Variants in HPSE2 observed in about 807,000 individuals in gnomAD.
HPSE2 encodes heparanase 2 (inactive).
In HPSE2, 38 loss-of-function variants were observed where a neutral mutation model predicts 60.5. The ratio of observed to expected loss-of-function variants is 0.63; its 90% CI spans 0.48 to 0.82. The LOEUF is 0.82. Ranked by LOEUF, HPSE2 falls within the 40% of genes least tolerant of loss-of-function variation. HPSE2 has a pLI of 0.00. For missense variants in HPSE2, 713 were observed against 740.4 expected, an observed-to-expected ratio of 0.96 and a Z score of 0.43; for synonymous variants, 295 against 293.2, an observed-to-expected ratio of 1.01 and a Z score of -0.06.
At chr10:98,819,173 A>C (rs1951360591) in intron 3 of HPSE2, among the ~76,000 whole-genome samples, 1 of 151,982 alleles carries the variant, frequency 6.6e-6, no homozygotes. Flanking sequence ...GGTGCTCCAA[A>C]AAACCTACAG....
chr10:99,279,969 C>A, the HPSE2 span, among the ~76,000 whole-genome samples: 40 of 152,274 alleles, frequency 2.6e-4, no homozygotes, highest in Middle Eastern at 3.4e-3. Flanking sequence ...TCAGCAAATC[C>A]TTTGGAGACT....
At chr10:99,200,483 G>C (rs1204119326) in intron 2 of HPSE2, among the ~76,000 whole-genome samples, 1 of 152,044 alleles carries the variant, frequency 6.6e-6, no homozygotes, top group Non-Finnish European at 1.5e-5. Context: ...TCCTAGCTCT[G>C]ACATTTATTA....
intron 2 of HPSE2, among the ~76,000 whole-genome samples, chr10:99,211,591 C>T (rs960727910): frequency 1.3e-5 from 2 of 151,920 alleles, no homozygotes; most frequent in South Asian, 2.1e-4. Flanking sequence ...GACAAAATTG[C>T]CAAGAACAGG....
intron 4 of HPSE2, among the ~76,000 whole-genome samples, chr10:98,725,872 A>T (rs917673834): frequency 5.3e-5 from 8 of 152,192 alleles, no homozygotes; most frequent in Non-Finnish European, 8.8e-5. Flanking sequence ...GCAGCCAAAA[A>T]ACACATGAAA....
chr10:98,772,859 TAGG>T (rs1207775729), intron 3 of HPSE2, among the ~76,000 whole-genome samples: 1 of 152,142 alleles, frequency 6.6e-6, no homozygotes, highest in East Asian at 1.9e-4. Context: ...GAGTTATTGC[TAGG>T]AGGTTGAAAT....
intron 6 of HPSE2, among the ~76,000 whole-genome samples, chr10:98,679,203 G>C (rs1469894052): frequency 6.6e-6 from 1 of 152,166 alleles, no homozygotes; most frequent in Non-Finnish European, 1.5e-5. Flanking sequence ...CAGGAGAAAT[G>C]AAAGGCAATT....
At chr10:99,237,149 GCA>G (rs1361166748), upstream of HPSE2, among the ~76,000 whole-genome samples, 1 of 152,146 alleles carries the variant, frequency 6.6e-6, no homozygotes. Flanking sequence ...AAGGGATCAG[GCA>G]CAGTTTGCTG....
chr10:98,815,527 T>A (rs1447073882), intron 3 of HPSE2, among the ~76,000 whole-genome samples: 2 of 152,154 alleles, frequency 1.3e-5, no homozygotes, highest in South Asian at 2.1e-4. Flanking sequence ...GTACAGCACT[T>A]GTAGTTTGGG....
chr10:98,772,203 ACTG>A (rs1408762487), intron 3 of HPSE2, among the ~76,000 whole-genome samples: 1 of 152,206 alleles, frequency 6.6e-6, no homozygotes, highest in East Asian at 1.9e-4. Flanking sequence ...AGGGTCCTTG[ACTG>A]GCAGACAGTT....
At chr10:98,871,540 T>C (rs922819899) in intron 3 of HPSE2, among the ~76,000 whole-genome samples, 6 of 152,052 alleles carry the variant, frequency 3.9e-5, no homozygotes, top group African/African-American at 1.4e-4. Flanking sequence ...TAATGGCAAA[T>C]ATACAAAATT....
At chr10:98,581,417 G>A (rs1944795129) in intron 9 of HPSE2, among the ~76,000 whole-genome samples, 1 of 152,038 alleles carries the variant, frequency 6.6e-6, no homozygotes, top group Admixed American at 6.6e-5. Context: ...CTATAAGTCA[G>A]AGATTTGATA....
chr10:98,803,678 T>A (rs1950971917), intron 3 of HPSE2, among the ~76,000 whole-genome samples: 1 of 150,918 alleles, frequency 6.6e-6, no homozygotes, highest in Admixed American at 6.6e-5. Flanking sequence ...TCCATTGATC[T>A]ATATCTCTGT....
At chr10:98,662,632 T>A (rs993419937) in intron 6 of HPSE2, among the ~76,000 whole-genome samples, 3 of 152,150 alleles carry the variant, frequency 2.0e-5, no homozygotes, top group Non-Finnish European at 4.4e-5. Flanking sequence ...GATGAAATAA[T>A]CTGTACAACA....
At chr10:98,620,736 A>G (rs758638878) in intron 7 of HPSE2, 28 bp from the exon 8 acceptor site, 14 of 1,484,794 alleles carry the variant, frequency 9.4e-6, no homozygotes, top group Admixed American at 8.6e-5. Flanking sequence ...GCAGAAGGGG[A>G]TAACGAGGTT....
At chr10:99,072,234 C>T (rs978383542) in intron 3 of HPSE2, among the ~76,000 whole-genome samples, 2 of 152,008 alleles carry the variant, frequency 1.3e-5, no homozygotes, top group Non-Finnish European at 2.9e-5. Context: ...AGGACATACA[C>T]GCCAGCAAAG....
chr10:99,122,556 G>C (rs1844998736), intron 3 of HPSE2, among the ~76,000 whole-genome samples: 2 of 151,512 alleles, frequency 1.3e-5, no homozygotes, highest in South Asian at 4.2e-4. Context: ...CTTACAAGTG[G>C]AAAAAAATTC....
chr10:98,498,154 G>A (rs1375782825), intron 9 of HPSE2, among the ~76,000 whole-genome samples: 4 of 152,142 alleles, frequency 2.6e-5, no homozygotes, highest in African/African-American at 9.7e-5. Context: ...GCGGAGGCTC[G>A]CATCGTGAAT....
chr10:98,863,341 CA>C (rs1003011671), intron 3 of HPSE2, among the ~76,000 whole-genome samples: 23 of 148,182 alleles, frequency 1.6e-4, no homozygotes, highest in African/African-American at 5.5e-4. Flanking sequence ...GTAGACCTGG[CA>C]AAAAAAAATA....
intron 3 of HPSE2, among the ~76,000 whole-genome samples, chr10:98,760,414 T>C (rs1949979784): frequency 6.6e-6 from 1 of 152,120 alleles, no homozygotes; most frequent in African/African-American, 2.4e-5. Flanking sequence ...TTTTTACTGT[T>C]GAATATGATT....
Sources: gnomAD v4.1 joint callset for allele counts (sites outside exome capture counted in the v4.1 genomes callset) on GRCh38, gnomAD v4.1.1 for gene constraint, MANE v1.5 for transcripts, NCBI Gene and HGNC (gene_info 2026-07-23, HGNC 2026-07-21) for gene names.